The following TMTC4 variants were observed in gnomAD, a reference collection of about 807,000 sequenced individuals.
The protein encoded by TMTC4 is transmembrane O-mannosyltransferase targeting cadherins 4, also known as protein O-mannosyl-transferase TMTC4.
Under a neutral mutation model 86.0 loss-of-function variants are expected in TMTC4, and 65 were observed. The ratio of observed to expected loss-of-function variants is 0.76; its 90% CI spans 0.62 to 0.93. The LOEUF (loss-of-function observed/expected upper bound fraction) is 0.93, where lower values mean the gene tolerates loss of function less well. Ranked by LOEUF, TMTC4 falls within the 40% of genes least tolerant of loss-of-function variation. The pLI, the probability that TMTC4 is intolerant of heterozygous loss-of-function variation, is 0.00. For synonymous variants in TMTC4, 379 were observed against 382.5 expected, an observed-to-expected ratio of 0.99 and a Z score of 0.11; for missense variants, 866 against 948.1, an observed-to-expected ratio of 0.91 and a Z score of 1.14.
intron 7 of TMTC4, among the ~76,000 whole-genome samples, chr13:100,640,081 C>T (rs1882816984): frequency 6.6e-6 from 1 of 152,156 alleles, no homozygotes; most frequent in Non-Finnish European, 1.5e-5. Flanking sequence ...GAATTCCTAA[C>T]CCTCTCCCAG....
At chr13:100,627,202 A>T (rs1880683782) in intron 12 of TMTC4, among the ~76,000 whole-genome samples, 1 of 152,196 alleles carries the variant, frequency 6.6e-6, no homozygotes, top group African/African-American at 2.4e-5. Flanking sequence ...GCAGGGATGC[A>T]GGTTGGAGAG....
rs1389142221 is a variant in TMTC4 at position 100,627,183 on chromosome 13, GCA to G, written c.1507-1035_1507-1034del. On this transcript the variant is annotated intron_variant, in intron 12 of 18. Transcript: ENST00000342624. ...GAGCAAGGGCCTCGGTGTGGCTGGA[GCA>G]CAGAGAGCAGGGATGCAGGTTGGAG... 3.9e-5 allele frequency among the ~76,000 whole-genome samples: 6 copies of G among 152,332 alleles called. No homozygotes were observed. In the East Asian group the frequency reaches 9.6e-4, roughly 24 times the overall value.
intron 16 of TMTC4, among the ~76,000 whole-genome samples, chr13:100,613,068 C>T (rs1414076803): frequency 2.6e-5 from 4 of 152,130 alleles, no homozygotes; most frequent in African/African-American, 9.7e-5. Context: ...CTTAAGACAA[C>T]CATCGCCTCA....
Position 100,605,042 on chromosome 13 carries a change from G to A in TMTC4, c.2235C>T (p.Tyr745=), listed in dbSNP as rs137975753. Residue 745 remains tyrosine (Y), a synonymous_variant, in exon 19 of 19, where the codon TAC becomes TAT. Coordinates refer to ENST00000342624, the MANE Select transcript of TMTC4 (RefSeq NM_032813.5). The surrounding 1 kb of genome is among the most constrained non-coding windows in gnomAD (Gnocchi z 4.3). ...DPTASGTKEN[Y]GLLRRKLELM... is the part of the protein sequence containing the mutation. ...GTTCTAGCTTTCTTCTCAGCAGACCGTAATTCTCCTTAGTTCCTGATGCCG... is the reference window on the plus strand; with the variant it reads ...GTTCTAGCTTTCTTCTCAGCAGACCATAATTCTCCTTAGTTCCTGATGCCG... 12 of 1,613,880 alleles carry A rather than the reference G, an allele frequency of 7.4e-6. No homozygotes were observed. Among genetic ancestry groups the A allele is most frequent in the Middle Eastern group, 1.6e-4 (1 of 6,084 alleles).
At chr13:100,630,264 A>G (rs9518111) in intron 12 of TMTC4, among the ~76,000 whole-genome samples, 28,008 of 152,162 alleles carry the variant, frequency 0.18, 2,872 homozygotes, top group Admixed American at 0.24. Context: ...TTCTGGAAGA[A>G]TATGCAGCAG....
intron 6 of TMTC4, among the ~76,000 whole-genome samples, chr13:100,654,816 A>C (rs551067992): frequency 6.6e-6 from 1 of 152,184 alleles, no homozygotes; most frequent in African/African-American, 2.4e-5. Context: ...AGGTTCTATC[A>C]TATCTCCTAA....
At chr13:100,626,181 A>T (rs1880497590) in intron 12 of TMTC4, 31 bp from the exon 13 acceptor site, 1 of 1,607,308 alleles carries the variant, frequency 6.2e-7, no homozygotes, top group Admixed American at 1.7e-5. Flanking sequence ...GGCCATCAGC[A>T]GACAGACTTC....
intron 1 of TMTC4, chr13:100,674,246 G>A: frequency 3.1e-6 from 3 of 980,430 alleles, no homozygotes; most frequent in South Asian, 4.7e-5. Context: ...CGCTCGCGGC[G>A]CGGCGGGGGA....
chr13:100,626,083 C>T lies in TMTC4; in HGVS notation c.1574G>A (p.Arg525Gln), dbSNP rs761915644. The change falls in exon 13 of 19, where the codon CGG becomes CAG. Residue 525 changes from arginine to glutamine, a missense_variant. Physicochemically the swap from Arg to Gln is conservative, Grantham distance 43. Transcript: ENST00000342624. The stretch of plus-strand genomic sequence containing the variant: ...ATACTCGCCATACCTTACAGCTTCC[C>T]GGTAGTATCTGATGGCAGCTGTCTG... ...GNQTAAIRYY[R>Q]EAVRLNPKYV... The T allele has an allele frequency of 7.8e-5, 126 of 1,614,060 alleles. 4 individuals are homozygous for T. The Middle Eastern group carries it at 1.3e-3, about 17-fold the overall frequency.
chr13:100,665,343 A>C (rs1192944269), intron 3 of TMTC4, among the ~76,000 whole-genome samples: 2 of 152,230 alleles, frequency 1.3e-5, no homozygotes, highest in Non-Finnish European at 2.9e-5. Context: ...AAATTACAAC[A>C]TGCTGATCAC....
intron 1 of TMTC4, among the ~76,000 whole-genome samples, chr13:100,672,417 G>A (rs1423338797): frequency 6.6e-6 from 1 of 152,200 alleles, no homozygotes; most frequent in East Asian, 1.9e-4. Flanking sequence ...AATGACCTGA[G>A]CCAGGCCTGG....
At chr13:100,674,520 C>T (rs1887585939) in intron 1 of TMTC4, 2 of 977,306 alleles carry the variant, frequency 2.0e-6, no homozygotes, top group African/African-American at 3.5e-5. Flanking sequence ...CACGCCGCGC[C>T]CTTTGTCCCA....
In TMTC4 at chr13:100,637,574, G is replaced by A. The variant is rs766405697; in HGVS notation, c.963C>T (p.Asp321=). The A allele has an allele frequency of 5.0e-6, 8 of 1,614,006 alleles. No individual in the cohort carries two copies. The highest frequency in any genetic ancestry group is 6.8e-6 in the Non-Finnish European group (8 of 1,180,018). The stretch of plus-strand genomic sequence containing the variant: ...TGCTGTCAGCAAAGGAGGCCGGGTT[G>A]TCCACCTCGGTGAAGGCCGGCGGGC... ...GTGPPAFTEV[D]NPASFADSML... Residue 321 remains aspartate (D), a synonymous_variant, in exon 9 of 19, where the codon GAC becomes GAT. Coordinates refer to ENST00000342624, the MANE Select transcript of TMTC4 (RefSeq NM_032813.5).
chr13:100,634,720 G>A (rs17475563), intron 12 of TMTC4, 85 bp downstream of exon 12: 310,252 of 1,500,206 alleles, frequency 0.21, 33,371 homozygotes, highest in Admixed American at 0.23. Flanking sequence ...TAAATACTGC[G>A]CGACAGGAAA....
chr13:100,650,921 G>A (rs1884357209), intron 6 of TMTC4, among the ~76,000 whole-genome samples: 1 of 152,198 alleles, frequency 6.6e-6, no homozygotes, highest in Non-Finnish European at 1.5e-5. Flanking sequence ...TATCCCAAGA[G>A]CAAGATTTAT....
rs1881984906 is a variant in TMTC4 at position 100,634,883 on chromosome 13, A to G, written c.1428T>C (p.Cys476=). ...TCCGCCACTCGCCGCTGCGCAGCAC[A>G]CATCTCAGCGTGTTGATGAATAAGA... ...LGILFINTLR[C]VLRSGEWRSE... is the part of the protein sequence containing the mutation. The change falls in exon 12 of 19, where the codon TGT becomes TGC. Residue 476 remains cysteine, a synonymous_variant. Transcript: ENST00000342624. 1.2e-6 allele frequency: 2 copies of G among 1,614,080 alleles called. No individual in the cohort carries two copies. Among genetic ancestry groups the G allele is most frequent in the African/African-American group, 1.3e-5 (1 of 74,924 alleles).
At chr13:100,648,198 G>A (rs1252194257) in intron 6 of TMTC4, among the ~76,000 whole-genome samples, 1 of 152,120 alleles carries the variant, frequency 6.6e-6, no homozygotes, top group Non-Finnish European at 1.5e-5. Flanking sequence ...AACCTAGTGA[G>A]CACTACATTC....
intron 6 of TMTC4, among the ~76,000 whole-genome samples, chr13:100,651,589 T>C (rs1884455117): frequency 6.6e-6 from 1 of 151,054 alleles, no homozygotes; most frequent in Non-Finnish European, 1.5e-5. Flanking sequence ...TTCCAGAGGT[T>C]AGGACAGAAT....
At chr13:100,623,891 G>T (rs1394686995) in intron 15 of TMTC4, 3 of 497,554 alleles carry the variant, frequency 6.0e-6, no homozygotes, top group African/African-American at 5.9e-5. Context: ...TTCTCTTGTT[G>T]GTGATGGAGG....
Sources: allele counts gnomAD v4.1 joint callset (sites outside exome capture counted in the v4.1 genomes callset), GRCh38; gene constraint gnomAD v4.1.1; non-coding constraint Gnocchi (gnomAD v3.1); transcripts MANE v1.5; gene names NCBI Gene and HGNC (gene_info 2026-07-23, HGNC 2026-07-21).